Variants in ZNF630 observed in about 807,000 individuals in gnomAD.
ZNF630 encodes dJ54B20.2 (novel KRAB box containing C2H2 type zinc finger protein).
ZNF630 carries 5 observed loss-of-function variants against 7.2 expected under a neutral mutation model. The observed-to-expected ratio is 0.70, with a 90% CI of 0.36 to 1.46. The LOEUF is 1.46. Among genes scored for constraint, ZNF630 ranks in the 40% most tolerant of loss-of-function variants. The pLI is 0.03. For missense variants in ZNF630, 461 were observed against 477.0 expected, an observed-to-expected ratio of 0.97 and a Z score of 0.31; for synonymous variants, 158 against 162.8, an observed-to-expected ratio of 0.97 and a Z score of 0.23.
At chrX:48,061,740 T>G (rs1475360496) in intron 2 of ZNF630, 2 of 320,742 alleles carry the variant, frequency 6.2e-6, no homozygotes, top group Non-Finnish European at 1.2e-5. Context: ...CGTCTGGCAT[T>G]TCCCTTGCTG....
Position 48,060,099 on chromosome X carries a change from C to G in ZNF630, c.343G>C (p.Val115Leu). 8.4e-7 allele frequency: 1 copy of G among 1,190,624 alleles called. No individual in the cohort carries two copies. The highest frequency in any genetic ancestry group is 1.1e-6 in the Non-Finnish European group (1 of 882,943). The change falls in exon 5 of 5, where the codon GTT becomes CTT. Residue 115 changes from valine (V) to leucine (L), a missense_variant. Val to Leu is a conservative substitution (Grantham distance 32). Transcript: ENST00000276054. ...RAPKDNSLYS[V>L]LKIWHIDNQM... Reference sequence around the variant, plus strand: ...TTATCAATATGCCAGATTTTTAAAACAGAGTACAATGAATTATCCTTTGGG... The same window carrying G: ...TTATCAATATGCCAGATTTTTAAAAGAGAGTACAATGAATTATCCTTTGGG...
intron 1 of ZNF630, among the ~76,000 whole-genome samples, chrX:48,070,321 C>G (rs782567515): frequency 9.2e-6 from 1 of 108,579 alleles, no homozygotes; most frequent in African/African-American, 3.4e-5. Context: ...TATATAAAAA[C>G]AATTCCTGGC....
rs782203574 is a variant in ZNF630, at chrX:48,061,608, T to C, written c.16-663A>G. Among the ~76,000 whole-genome samples the C allele has an allele frequency of 1.7e-4, 19 of 112,027 alleles. No homozygotes were observed. In the South Asian group the frequency reaches 6.6e-3, roughly 39 times the overall value. ...TTGACTCTGTTTCCCCACCCAAATC[T>C]CATTTTGAATTGCAATCCCCACTTG... On this transcript the variant is annotated intron_variant, in intron 2 of 4. Coordinates refer to ENST00000276054, the MANE Select transcript of ZNF630 (RefSeq NM_001282201.2).
chrX:48,060,642 A>T, intron 3 of ZNF630, 97 bp from the exon 4 acceptor site: 1 of 930,757 alleles, frequency 1.1e-6, no homozygotes, highest in Non-Finnish European at 1.5e-6. Context: ...TGGATCCTTA[A>T]CTCACACCAT....
Position 48,066,910 on chromosome X carries a change from G to T in ZNF630, c.-24C>A, listed in dbSNP as rs2059133504. The T allele has an allele frequency of 2.2e-5, 26 of 1,204,654 alleles. 1 individual carries two copies. Among genetic ancestry groups the T allele is most frequent in the Non-Finnish European group, 2.8e-5 (25 of 891,597 alleles). On this transcript the variant is annotated 5_prime_UTR_variant, in exon 2 of 5. It adds an upstream start codon to the 5' untranslated region. Transcript: ENST00000276054. ...ATTTTCTGTTTCTCTTTGGAAAGCA[G>T]TTGGGGGCGGGGTGGGGTGCAGAAG...
chrX:48,070,072 A>G (rs1352292586), intron 1 of ZNF630, among the ~76,000 whole-genome samples: 1 of 106,672 alleles, frequency 9.4e-6, no homozygotes, highest in Non-Finnish European at 1.9e-5. Context: ...GTTAGCCAGG[A>G]TGGTCTCGAT....
intron 1 of ZNF630, among the ~76,000 whole-genome samples, chrX:48,069,222 C>G (rs1413305425): frequency 1.0e-5 from 1 of 98,806 alleles, no homozygotes; most frequent in Non-Finnish European, 2.0e-5. Flanking sequence ...GCCTGGGCAA[C>G]AGAATGAGAC....
chrX:48,068,195 GAAGGAAAGA>G (rs1158319479), intron 1 of ZNF630, among the ~76,000 whole-genome samples: 4 of 63,882 alleles, frequency 6.3e-5, no homozygotes, highest in African/African-American at 1.8e-4. Context: ...AGGAAGGAAG[GAAGGAAAGA>G]AAAGAAAAGA....
chrX:48,062,352 A>C (rs1484233290), intron 2 of ZNF630, among the ~76,000 whole-genome samples: 1 of 112,742 alleles, frequency 8.9e-6, no homozygotes, highest in Non-Finnish European at 1.9e-5. Flanking sequence ...TTATAATAGC[A>C]AAAGAATGGA....
rs781795514 is a variant in ZNF630, at chrX:48,060,182, G to T, written c.260C>A (p.Ser87Tyr). The part of the protein sequence containing the change: ...IYPDRVKGLE[S>Y]SQQIISGELL... Reference sequence around the variant, plus strand: ...TTCTCCAGAAATGATCTGCTGGGAAGATTCAAGGCCTTTCACTCTGTCTGA... The same window carrying T: ...TTCTCCAGAAATGATCTGCTGGGAATATTCAAGGCCTTTCACTCTGTCTGA... Residue 87 changes from serine (S) to tyrosine (Y), a missense_variant, in exon 5 of 5, where the codon TCT (serine) becomes TAT (tyrosine). Transcript: ENST00000276054. 4.4e-6 allele frequency: 5 copies of T among 1,147,925 alleles called. No individual in the cohort carries two copies. In the South Asian group the frequency reaches 8.0e-5, roughly 18 times the overall value. 94.6% of individuals were successfully genotyped at this position (1,147,925 alleles called of 1,213,427 possible). A position where few individuals can be genotyped will look rare whatever the true frequency, so the allele number is the denominator to read the frequency against.
Position 48,059,472 on chromosome X carries a change from A to G in ZNF630, c.970T>C (p.Tyr324His). ...TGEKPYECTK[Y>H]GRAFSRKSPF... is the part of the protein sequence containing the mutation. ...GACTTCCGGGAGAATGCTCTTCCAT[A>G]CTTAGTACATTCATAGGGTTTCTCC... Residue 324 changes from tyrosine to histidine, a missense_variant, in exon 5 of 5, where the codon TAT (tyrosine) becomes CAT (histidine). Transcript: ENST00000276054. The G allele has an allele frequency of 8.3e-7, 1 of 1,208,179 alleles. No homozygotes were observed. Among genetic ancestry groups the G allele is most frequent in the Non-Finnish European group, 1.1e-6 (1 of 893,269 alleles).
chrX:48,067,035 C>T lies in ZNF630; in HGVS notation c.-149G>A, dbSNP rs1205693606. ...GATGACTTGTGTTTCTCATCTGACT[C>T]GGTAATTCCATTTCCGGAACTTCGT... is the stretch of plus-strand genomic sequence containing the variant. On this transcript the variant is annotated 5_prime_UTR_variant, in exon 2 of 5. Transcript: ENST00000276054. 2.7e-5 allele frequency: 17 copies of T among 627,417 alleles called. 1 individual carries two copies. The highest frequency in any genetic ancestry group is 6.7e-5 in the African/African-American group (3 of 44,753). The allele number at this position is 627,417 out of a possible 1,213,427, so 51.7% of individuals were successfully genotyped here.
At chrX:48,060,328 T>C in intron 4 of ZNF630, 122 bp downstream of exon 4, 3 of 979,126 alleles carry the variant, frequency 3.1e-6, no homozygotes, top group South Asian at 4.8e-5. Flanking sequence ...AAGGTGGCTG[T>C]TGTAGAATGA....
intron 1 of ZNF630, 180 bp downstream of exon 1, chrX:48,071,087 C>G (rs1376106883): frequency 1.8e-5 from 2 of 110,115 alleles, no homozygotes; most frequent in East Asian, 5.7e-4. Context: ...CATCAAACAC[C>G]GCACAGATCC....
chrX:48,068,295 GGAAGA>G (rs2059143418), intron 1 of ZNF630, among the ~76,000 whole-genome samples: 1 of 106,773 alleles, frequency 9.4e-6, no homozygotes, highest in East Asian at 2.9e-4. Flanking sequence ...AAGGAAGGAA[GGAAGA>G]AAGGGAGGAA....
chrX:48,060,246 C>T (rs1171830647), intron 4 of ZNF630, 43 bp from the exon 5 acceptor site: 1 of 126,275 alleles, frequency 7.9e-6, no homozygotes. Flanking sequence ...CACACACACA[C>T]ACACACACAC....
rs1022667871 is a variant in ZNF630, at chrX:48,060,066, C to T, written c.376G>A (p.Asp126Asn). ...LKIWHIDNQM[D>N]RYQGNQDRVL... ...CTGTCTTGATTTCCTTGATATCTAT[C>T]CATCTGATTATCAATATGCCAGATT... The change falls in exon 5 of 5, where the codon GAT becomes AAT. Residue 126 changes from aspartate to asparagine, a missense_variant. Physicochemically the swap from Asp to Asn is conservative, Grantham distance 23. Transcript: ENST00000276054. 8.3e-7 allele frequency: 1 copy of T among 1,203,584 alleles called. No individual in the cohort carries two copies. The highest frequency in any genetic ancestry group is 1.1e-6 in the Non-Finnish European group (1 of 890,434).
Position 48,058,708 on chromosome X carries a change from CT to C in ZNF630, c.1733del (p.Lys578ArgfsTer29), listed in dbSNP as rs1569419390. On this transcript the variant is annotated frameshift_variant, in exon 5 of 5. Transcript: ENST00000276054. LOFTEE classifies it low-confidence loss of function (END_TRUNC). ...EKPYECSECG[K>X]AFCGKSPLII... ...TGAGTGGAGACTTTCCACAGAAGGCCTTTCCACATTCACTACATTCATAGGG... is the reference window on the plus strand; with the variant it reads ...TGAGTGGAGACTTTCCACAGAAGGCCTTCCACATTCACTACATTCATAGGG... The C allele has an allele frequency of 2.5e-6, 3 of 1,207,663 alleles. No individual in the cohort carries two copies. Among genetic ancestry groups the C allele is most frequent in the Non-Finnish European group, 3.4e-6 (3 of 892,791 alleles).
chrX:48,068,592 C>T (rs1381288021), intron 1 of ZNF630, among the ~76,000 whole-genome samples: 2 of 110,766 alleles, frequency 1.8e-5, no homozygotes, highest in East Asian at 5.7e-4. Flanking sequence ...GATTTTTTTC[C>T]AATGATAAAA....
Sources: gnomAD v4.1 joint callset for allele counts (sites outside exome capture counted in the v4.1 genomes callset) on GRCh38, gnomAD v4.1.1 for gene constraint, MANE v1.5 for transcripts, NCBI Gene and HGNC (gene_info 2026-07-23, HGNC 2026-07-21) for gene names.